The following STON1 variants were observed in gnomAD, a reference collection of about 807,000 sequenced individuals.
STON1 encodes the protein stonin-1.
Under a neutral mutation model 60.9 loss-of-function variants are expected in STON1, and 79 were observed. That is an observed-to-expected ratio of 1.30 (90% CI 1.08 to 1.56). STON1 has a LOEUF of 1.56. STON1 is among the 40% of genes most tolerant of loss of function. The pLI is 0.00. For synonymous variants in STON1, 363 were observed against 306.9 expected, an observed-to-expected ratio of 1.18 and a Z score of -1.91; for missense variants, 1,166 against 858.9, an observed-to-expected ratio of 1.36 and a Z score of -4.47.
At chr2:48,532,671 A>G (rs1194303375) in intron 1 of STON1, among the ~76,000 whole-genome samples, 1 of 152,124 alleles carries the variant, frequency 6.6e-6, no homozygotes, top group Non-Finnish European at 1.5e-5. Flanking sequence ...GTTAGACTGG[A>G]TGGTTTGCCA....
rs1350543515 is a variant in STON1, at chr2:48,596,938, C to G, written c.*1636C>G. 1 of 152,206 alleles carries G rather than the reference C, an allele frequency of 6.6e-6. No homozygotes were observed. The allele number at this position is 152,206 out of a possible 1,614,324, so 9.4% of individuals were successfully genotyped here. On this transcript the variant is annotated 3_prime_UTR_variant, in exon 4 of 4. Transcript: ENST00000404752. ...CATCTTGGCTCACTGCAACCTCCGC[C>G]TCCTGGGTTCAAGGGATTCTCCTGC... is the stretch of plus-strand genomic sequence containing the variant.
intron 2 of STON1, among the ~76,000 whole-genome samples, chr2:48,586,211 CAG>C (rs1674198820): frequency 1.3e-5 from 2 of 152,152 alleles, no homozygotes; most frequent in African/African-American, 4.8e-5. Flanking sequence ...GCATTTTTTT[CAG>C]AGTCATTGGT....
chr2:48,564,463 T>C (rs1179450767), intron 1 of STON1, among the ~76,000 whole-genome samples: 77 of 55,376 alleles, frequency 1.4e-3, no homozygotes, highest in African/African-American at 4.8e-3. Flanking sequence ...TTCTTCTTCT[T>C]CTTCTTCTTC....
At chr2:48,588,516 A>AT (rs1325254784) in intron 2 of STON1, among the ~76,000 whole-genome samples, 5 of 151,854 alleles carry the variant, frequency 3.3e-5, no homozygotes, top group African/African-American at 1.2e-4. Context: ...CACCTGGTTA[A>AT]TTTTTTGTAT....
intron 1 of STON1, among the ~76,000 whole-genome samples, chr2:48,538,763 A>ATTTTTTTTTTT (rs34052598): frequency 4.6e-5 from 4 of 86,364 alleles, no homozygotes; most frequent in African/African-American, 9.2e-5. Flanking sequence ...ACACCCAGCT[A>ATTTTTTTTTTT]TTTTTTTTTT....
chr2:48,580,155 G>A (rs567371146), intron 1 of STON1, among the ~76,000 whole-genome samples: 15 of 152,164 alleles, frequency 9.9e-5, no homozygotes, highest in African/African-American at 3.1e-4. Flanking sequence ...TGACCTGCTT[G>A]CCTCGGCCTC....
At position 48,581,020 on chromosome 2, in the gene STON1, A is replaced by T; in HGVS notation, c.387A>T (p.Thr129=). Residue 129 remains threonine (T), a synonymous_variant, in exon 2 of 4, where the codon ACA becomes ACT. Transcript: ENST00000404752. ...GESSLLPTRP[T]CLSHALLPSD... ...CTTCCTTACTGCCTACCAGACCAAC[A>T]TGTTTATCCCATGCCTTGTTACCCA... 1 of 1,569,086 alleles carries T rather than the reference A, an allele frequency of 6.4e-7. No homozygotes were observed. Among genetic ancestry groups the T allele is most frequent in the Non-Finnish European group, 8.6e-7 (1 of 1,161,912 alleles).
chr2:48,537,194 C>T (rs1055988199), intron 1 of STON1, among the ~76,000 whole-genome samples: 1 of 152,156 alleles, frequency 6.6e-6, no homozygotes, highest in Non-Finnish European at 1.5e-5. Flanking sequence ...TTCTTACTGT[C>T]TTTAACTTTA....
chr2:48,535,365 T>C (rs1671382043), intron 1 of STON1, among the ~76,000 whole-genome samples: 1 of 152,156 alleles, frequency 6.6e-6, no homozygotes, highest in South Asian at 2.1e-4. Context: ...TGGAAATATT[T>C]AGTGTGAGTG....
Position 48,582,570 on chromosome 2 carries a change from A to G in STON1, c.1930+7A>G. On this transcript the variant is annotated splice_region_variant and intron_variant, in intron 2 of 3. Transcript: ENST00000404752. ...CTTCCAGACAAAAATTCAAGTAAAT[A>G]TTCAACACCCCAAGTTTATTTTCAT... The G allele has an allele frequency of 6.2e-7, 1 of 1,603,146 alleles. No homozygotes were observed. Among genetic ancestry groups the G allele is most frequent in the Non-Finnish European group, 8.5e-7 (1 of 1,175,346 alleles).
Position 48,596,405 on chromosome 2 carries a change from C to T in STON1, c.*1103C>T, listed in dbSNP as rs1674782694. 6.6e-6 allele frequency: 1 copy of T among 152,128 alleles called. No homozygotes were observed. The highest frequency in any genetic ancestry group is 2.4e-5 in the African/African-American group (1 of 41,434). 9.4% of individuals were successfully genotyped at this position (152,128 alleles called of 1,614,324 possible). On this transcript the variant is annotated 3_prime_UTR_variant, in exon 4 of 4. Coordinates refer to ENST00000404752, the MANE Select transcript of STON1 (RefSeq NM_006873.4). ...TCTAATGAAAAGTCAATAGCATTAG[C>T]AGTTATAATTCTGTTTATAATTTCC... is the stretch of plus-strand genomic sequence containing the variant.
intron 1 of STON1, among the ~76,000 whole-genome samples, chr2:48,539,841 G>T (rs1182882280): frequency 6.6e-6 from 1 of 151,932 alleles, no homozygotes. Context: ...TCTACTCTTT[G>T]CCCAAGCAGA....
chr2:48,595,573 G>A lies in STON1; in HGVS notation c.*271G>A, dbSNP rs747773470. Reference sequence around the variant, plus strand: ...TTGAAACTCAAAGGCACTGTTACTCGTTGTGTGACCCCGCAGCCAGTATGA... The same window carrying A: ...TTGAAACTCAAAGGCACTGTTACTCATTGTGTGACCCCGCAGCCAGTATGA... On this transcript the variant is annotated 3_prime_UTR_variant, in exon 4 of 4. Coordinates refer to ENST00000404752, the MANE Select transcript of STON1 (RefSeq NM_006873.4). 13 of 403,802 alleles carry A rather than the reference G, an allele frequency of 3.2e-5. No homozygotes were observed. The highest frequency in any genetic ancestry group is 5.5e-5 in the South Asian group (2 of 36,250). 25.0% of individuals were successfully genotyped at this position (403,802 alleles called of 1,614,324 possible).
chr2:48,565,372 C>A (rs749868498), intron 1 of STON1, among the ~76,000 whole-genome samples: 5 of 152,062 alleles, frequency 3.3e-5, no homozygotes, highest in Non-Finnish European at 7.4e-5. Context: ...TATACAGGTA[C>A]TAATCCTATT....
chr2:48,587,427 G>C (rs1674274125), intron 2 of STON1, among the ~76,000 whole-genome samples: 1 of 152,140 alleles, frequency 6.6e-6, no homozygotes, highest in Admixed American at 6.5e-5. Context: ...CAAGTAGCTG[G>C]GACTACAGGT....
intron 2 of STON1, among the ~76,000 whole-genome samples, chr2:48,586,704 A>C (rs1337229798): frequency 3.0e-5 from 1 of 33,246 alleles, no homozygotes; most frequent in Non-Finnish European, 5.5e-5. Flanking sequence ...ATCTGTCAAC[A>C]GGGCCTCGGG....
At chr2:48,592,215 G>A (rs1296262867) in intron 3 of STON1, among the ~76,000 whole-genome samples, 2 of 152,132 alleles carry the variant, frequency 1.3e-5, no homozygotes, top group African/African-American at 4.8e-5. Flanking sequence ...ATAAGTTGGG[G>A]AATGCCGTAT....
In STON1 at chr2:48,581,182, A is replaced by C. The variant is rs923242051; in HGVS notation, c.549A>C (p.Ser183=). The C allele has an allele frequency of 1.3e-6, 2 of 1,536,030 alleles. No homozygotes were observed. Among genetic ancestry groups the C allele is most frequent in the African/African-American group, 2.8e-5 (2 of 72,112 alleles). The change falls in exon 2 of 4, where the codon TCA becomes TCC. Residue 183 remains serine (S), a synonymous_variant. Transcript: ENST00000404752. ...FQYFREDCAF[S]SPFWKDEGSD... ...ATTTTCGAGAGGACTGTGCTTTTTC[A>C]AGTCCATTTTGGAAAGATGAAGGCA...
At chr2:48,582,934 A>G (rs577458873) in intron 2 of STON1, among the ~76,000 whole-genome samples, 1 of 152,192 alleles carries the variant, frequency 6.6e-6, no homozygotes, top group Non-Finnish European at 1.5e-5. Context: ...ATCTCTAAAG[A>G]TCTGTCATCC....
Sources: allele counts gnomAD v4.1 joint callset (sites outside exome capture counted in the v4.1 genomes callset), GRCh38; gene constraint gnomAD v4.1.1; transcripts MANE v1.5; gene names NCBI Gene and HGNC (gene_info 2026-07-23, HGNC 2026-07-21).